The following ELL variants were observed in gnomAD, a reference collection of about 807,000 sequenced individuals.
ELL encodes the protein elongation factor for RNA polymerase II, also known as RNA polymerase II elongation factor ELL.
A neutral mutation model predicts 64.0 loss-of-function variants in ELL; 18 were observed. The ratio of observed to expected loss-of-function variants is 0.28; its 90% CI spans 0.19 to 0.42. The LOEUF (loss-of-function observed/expected upper bound fraction) is 0.42. Ranked by LOEUF, ELL falls within the 10% of genes least tolerant of loss-of-function variation. ELL has a pLI of 1.00. For synonymous variants in ELL, 399 were observed against 376.2 expected (o/e 1.06, Z -0.70); for missense variants, 797 against 870.4 (o/e 0.92, Z 1.06).
Position 18,465,495 on chromosome 19 carries a change from T to A in ELL, c.386A>T (p.Lys129Met). 1.2e-6 allele frequency: 2 copies of A among 1,613,102 alleles called. No individual in the cohort carries two copies. Among genetic ancestry groups the A allele is most frequent in the Non-Finnish European group, 8.5e-7 (1 of 1,179,300 alleles). ...CGCCTGGGCCATGCTCTGCCGCGCC[T>A]TCTGGTAGGAGTCGTCGGTGGCACA... ...TVCATDDSYQ[K>M]ARQSMAQAEE... Residue 129 changes from lysine to methionine, a missense_variant, in exon 4 of 12, where the codon AAG becomes ATG. Lys to Met is a moderately conservative substitution (Grantham distance 95, BLOSUM62 -1). Coordinates refer to ENST00000262809, the MANE Select transcript of ELL (RefSeq NM_006532.4).
chr19:18,487,581 C>T (rs1975447084), intron 1 of ELL, among the ~76,000 whole-genome samples: 1 of 152,176 alleles, frequency 6.6e-6, no homozygotes, highest in Non-Finnish European at 1.5e-5. Flanking sequence ...CTGCACTAGC[C>T]CCTCAGGGAG....
chr19:18,516,836 G>A (rs1976142246), intron 1 of ELL, among the ~76,000 whole-genome samples: 1 of 152,144 alleles, frequency 6.6e-6, no homozygotes, highest in Admixed American at 6.5e-5. Flanking sequence ...AAGTACTGCT[G>A]ACCCCAGTTC....
At position 18,446,474 on chromosome 19, in the gene ELL, G is replaced by A. The variant is rs199594269; in HGVS notation, c.1539C>T (p.Tyr513=). Residue 513 remains tyrosine, a synonymous_variant, in exon 10 of 12, where the codon TAC becomes TAT. Transcript: ENST00000262809. The part of the protein sequence containing the change: ...TSETPDYLLK[Y]AAISSSEQRQ... ...GCTGCTCCGAAGAGGAGATGGCTGC[G>A]TACTTCCTGAAACAGGAGAGAGGGG... 50 of 1,611,732 alleles carry A rather than the reference G, an allele frequency of 3.1e-5. No homozygotes were observed. In the Admixed American group the frequency reaches 3.8e-4, roughly 12 times the overall value.
intron 1 of ELL, among the ~76,000 whole-genome samples, chr19:18,487,119 ACC>A (rs566922976): frequency 6.6e-6 from 1 of 151,702 alleles, no homozygotes; most frequent in African/African-American, 2.4e-5. Context: ...AGACCCCGCT[ACC>A]CCCCACCAGG....
intron 1 of ELL, 105 bp from the exon 2 acceptor site, chr19:18,472,987 G>A (rs1975097419): frequency 5.3e-6 from 7 of 1,316,288 alleles, no homozygotes; most frequent in African/African-American, 1.5e-5. Flanking sequence ...GGGTGAAGAT[G>A]GTGTTCTCAG....
At chr19:18,514,010 TCA>T (rs935278125) in intron 1 of ELL, among the ~76,000 whole-genome samples, 1 of 152,046 alleles carries the variant, frequency 6.6e-6, no homozygotes, top group Non-Finnish European at 1.5e-5. Flanking sequence ...CCCTACCCCT[TCA>T]CAAACACATC....
chr19:18,503,273 G>C (rs1975818899), intron 1 of ELL, among the ~76,000 whole-genome samples: 1 of 152,216 alleles, frequency 6.6e-6, no homozygotes. Context: ...CCCCACCCTG[G>C]GGTGATAAGT....
chr19:18,463,459 C>T (rs564743520), intron 4 of ELL, among the ~76,000 whole-genome samples: 6 of 151,480 alleles, frequency 4.0e-5, no homozygotes, highest in South Asian at 2.1e-4. Flanking sequence ...CTCAGCCTCC[C>T]GAGTAGCTGG....
At position 18,445,336 on chromosome 19, in the gene ELL, G is replaced by A. The variant is rs1271902113; in HGVS notation, c.1705-68C>T. ...GCCTACAGGAAACCCAAATTGAGTG[G>A]TCCCAGGTGCTCTGAGAAGGGGGCA... On this transcript the variant is annotated intron_variant, in intron 10 of 11. Coordinates refer to ENST00000262809, the MANE Select transcript of ELL (RefSeq NM_006532.4). The A allele has an allele frequency of 8.9e-6, 13 of 1,467,384 alleles. No individual in the cohort carries two copies. In the South Asian group the frequency reaches 1.5e-4, roughly 17 times the overall value. 90.9% of individuals were successfully genotyped at this position (1,467,384 alleles called of 1,614,324 possible).
intron 1 of ELL, among the ~76,000 whole-genome samples, chr19:18,507,082 G>A (rs964367913): frequency 6.6e-6 from 1 of 152,204 alleles, no homozygotes; most frequent in Non-Finnish European, 1.5e-5. Flanking sequence ...GCCAGCACTG[G>A]CTGTCCCCTC....
chr19:18,519,806 C>CAAA (rs1183522203), intron 1 of ELL, among the ~76,000 whole-genome samples: 14 of 63,000 alleles, frequency 2.2e-4, no homozygotes, highest in Admixed American at 1.6e-3. Context: ...AACTCCATCT[C>CAAA]AAAAAAAAAA....
intron 1 of ELL, among the ~76,000 whole-genome samples, chr19:18,486,199 G>A (rs957219629): frequency 2.6e-5 from 4 of 152,134 alleles, no homozygotes; most frequent in Non-Finnish European, 4.4e-5. Context: ...AACCTGGGAA[G>A]GAATCTGGGG....
chr19:18,456,246 C>T (rs572953136), intron 6 of ELL, among the ~76,000 whole-genome samples: 81 of 152,362 alleles, frequency 5.3e-4, no homozygotes, highest in Non-Finnish European at 1.1e-3. Flanking sequence ...GGCAAGTTTT[C>T]AGCCTGCGGG....
chr19:18,507,660 G>A (rs924584337), intron 1 of ELL, among the ~76,000 whole-genome samples: 5 of 152,230 alleles, frequency 3.3e-5, no homozygotes, highest in Non-Finnish European at 7.3e-5. Flanking sequence ...TGAGCGCAGG[G>A]GCTTCATCCC....
chr19:18,519,567 G>C (rs1455110332), intron 1 of ELL, among the ~76,000 whole-genome samples: 1 of 152,228 alleles, frequency 6.6e-6, no homozygotes, highest in Non-Finnish European at 1.5e-5. Flanking sequence ...AGCACTTTTA[G>C]AGGCTGAGAA....
At chr19:18,468,920 C>T (rs1304257196) in intron 2 of ELL, among the ~76,000 whole-genome samples, 1 of 152,214 alleles carries the variant, frequency 6.6e-6, no homozygotes, top group East Asian at 1.9e-4. Flanking sequence ...GGCCCCCCTG[C>T]CTGAGCCTGC....
At chr19:18,455,573 T>C (rs1254745852) in intron 6 of ELL, among the ~76,000 whole-genome samples, 1 of 151,196 alleles carries the variant, frequency 6.6e-6, no homozygotes, top group African/African-American at 2.4e-5. Flanking sequence ...AGGCCTTGCA[T>C]GGTGGCTCAC....
rs770568039 is a variant in ELL, at chr19:18,450,542, C to T, written c.1400G>A (p.Arg467Gln). ...DKERAAEDKP[R>Q]AQLPDCAPAT... is the part of the protein sequence containing the mutation. ...AGGTGCACAGTCTGGAAGCTGGGCC[C>T]GGGGCTTGTCCTCAGCCGCCCTCTC... Residue 467 changes from arginine (R) to glutamine (Q), a missense_variant, in exon 8 of 12, where the codon CGG becomes CAG. Coordinates refer to ENST00000262809, the MANE Select transcript of ELL (RefSeq NM_006532.4). 2.3e-5 allele frequency: 37 copies of T among 1,613,140 alleles called. 1 individual carries two copies. Among genetic ancestry groups the T allele is most frequent in the Middle Eastern group, 1.7e-4 (1 of 6,060 alleles).
At chr19:18,469,343 T>A (rs1470979222) in intron 2 of ELL, among the ~76,000 whole-genome samples, 2 of 152,196 alleles carry the variant, frequency 1.3e-5, no homozygotes, top group Non-Finnish European at 2.9e-5. Context: ...TGCTGCTGGT[T>A]AATGGTTACC....
Sources: gnomAD v4.1 joint callset for allele counts (sites outside exome capture counted in the v4.1 genomes callset) on GRCh38, gnomAD v4.1.1 for gene constraint, MANE v1.5 for transcripts, NCBI Gene and HGNC (gene_info 2026-07-23, HGNC 2026-07-21) for gene names.